BIVM: variants seen among roughly 807,000 people sequenced by gnomAD.
The protein encoded by BIVM is basic immunoglobulin-like variable motif-containing protein.
Under a neutral mutation model 61.4 loss-of-function variants are expected in BIVM, and 31 were observed. The observed-to-expected ratio is 0.51, with a 90% CI of 0.38 to 0.68. The LOEUF (loss-of-function observed/expected upper bound fraction) is 0.68, where lower values mean the gene tolerates loss of function less well. Ranked by LOEUF, BIVM falls within the 30% of genes least tolerant of loss-of-function variation. The pLI is 0.00. For synonymous variants in BIVM, 189 were observed against 210.7 expected (o/e 0.90, Z 0.89); for missense variants, 526 against 596.0 (o/e 0.88, Z 1.22).
intron 3 of BIVM, among the ~76,000 whole-genome samples, chr13:102,810,288 G>A (rs1396628390): frequency 6.6e-6 from 1 of 152,088 alleles, no homozygotes; most frequent in Non-Finnish European, 1.5e-5. Flanking sequence ...ATTTGCTTTG[G>A]AATACTTATT....
chr13:102,831,599 G>A lies in BIVM; in HGVS notation c.936G>A (p.Leu312=), dbSNP rs1881074146. 2 of 1,614,120 alleles carry A rather than the reference G, an allele frequency of 1.2e-6. No individual in the cohort carries two copies. The highest frequency in any genetic ancestry group is 1.7e-5 in the Admixed American group (1 of 60,028). ...SGALSKLTRG[L]KDESLAYIYH... is the part of the protein sequence containing the mutation. ...CCCTGTCAAAGTTAACCCGTGGATTGAAAGATGAATCGCTGGCTTATATCT... is the reference window on the plus strand; with the variant it reads ...CCCTGTCAAAGTTAACCCGTGGATTAAAAGATGAATCGCTGGCTTATATCT... Residue 312 remains leucine, a synonymous_variant, in exon 8 of 11, where the codon TTG becomes TTA. Transcript: ENST00000257336.
chr13:102,839,939 AT>A lies in BIVM; in HGVS notation c.*78del. 1 of 1,445,266 alleles carries A rather than the reference AT, an allele frequency of 6.9e-7. No homozygotes were observed. The highest frequency in any genetic ancestry group is 1.4e-5 in the African/African-American group (1 of 70,584). The allele number at this position is 1,445,266 out of a possible 1,614,324, so 89.5% of individuals were successfully genotyped here. On this transcript the variant is annotated 3_prime_UTR_variant, in exon 11 of 11. Transcript: ENST00000257336. ...CAGGACTGTATAAAGACAGTAGAAG[AT>A]TTTAGTAAGCCTACATTAAATAGGA...
chr13:102,815,265 A>T (rs1566447789), intron 3 of BIVM, among the ~76,000 whole-genome samples: 2 of 152,164 alleles, frequency 1.3e-5, no homozygotes, highest in Non-Finnish European at 2.9e-5. Flanking sequence ...CTAGGCATAT[A>T]TGTATATAAT....
rs977822039 is a variant in BIVM, at chr13:102,838,886, A to C, written c.1218+147A>C. 1.3e-5 allele frequency: 9 copies of C among 688,600 alleles called. No individual in the cohort carries two copies. In the African/African-American group the frequency reaches 1.6e-4, roughly 13 times the overall value. 42.7% of individuals were successfully genotyped at this position (688,600 alleles called of 1,614,324 possible). A position where few individuals can be genotyped will look rare whatever the true frequency, so the allele number is the denominator to read the frequency against. On this transcript the variant is annotated intron_variant, in intron 10 of 10. Coordinates refer to ENST00000257336, the MANE Select transcript of BIVM (RefSeq NM_017693.4). ...TTTAAGGACACACGGCTGTCTTTAA[A>C]ACCCAAGGGCAAGGGGTATAACCTG...
rs113000617 is a variant in BIVM, at chr13:102,838,289, T to A, written c.1122-354T>A. Among the ~76,000 whole-genome samples, 953 of 152,334 alleles carry A rather than the reference T, an allele frequency of 6.3e-3. 11 individuals are homozygous for A. The highest frequency in any genetic ancestry group is 0.02 in the African/African-American group (821 of 41,564). ...TCTGCACAATTGTGTTGTCTCCTAATAGAGACATATTAACTTTACATTCTT... is the reference window on the plus strand; with the variant it reads ...TCTGCACAATTGTGTTGTCTCCTAAAAGAGACATATTAACTTTACATTCTT... On this transcript the variant is annotated intron_variant, in intron 9 of 10. Transcript: ENST00000257336.
chr13:102,804,652 G>C (rs1383646267), intron 1 of BIVM, among the ~76,000 whole-genome samples: 1 of 151,194 alleles, frequency 6.6e-6, no homozygotes, highest in South Asian at 2.1e-4. Context: ...TCGAGATGGG[G>C]TTTCACCATA....
chr13:102,831,767 C>T (rs1048871234), intron 8 of BIVM, 70 bp downstream of exon 8: 79 of 1,547,304 alleles, frequency 5.1e-5, no homozygotes, highest in Non-Finnish European at 6.5e-5. Context: ...CGGTAGCTCA[C>T]GCCTGTAATC....
At chr13:102,822,206 CA>C (rs1566451004) in intron 7 of BIVM, 47 bp downstream of exon 7, 1 of 1,544,816 alleles carries the variant, frequency 6.5e-7, no homozygotes, top group South Asian at 1.1e-5. Flanking sequence ...CACACATGCA[CA>C]CACACACATA....
chr13:102,799,929 G>A (rs1454802483), intron 1 of BIVM, among the ~76,000 whole-genome samples: 4 of 152,152 alleles, frequency 2.6e-5, no homozygotes, highest in Non-Finnish European at 4.4e-5. Flanking sequence ...GGGAACCAGC[G>A]CGCAGCGGCC....
chr13:102,833,327 G>GTTTTTTTTGTTTTTTTTTT (rs1881234187), intron 8 of BIVM, among the ~76,000 whole-genome samples: 1 of 79,598 alleles, frequency 1.3e-5, no homozygotes, highest in Non-Finnish European at 2.6e-5. Context: ...GATAGGATGG[G>GTTTTTTTTGTTTTTTTTTT]TTTTTTTTTT....
chr13:102,800,255 T>C (rs190211243), intron 1 of BIVM: 1 of 152,254 alleles, frequency 6.6e-6, no homozygotes, highest in Non-Finnish European at 1.5e-5. Flanking sequence ...TGGGCCCCCT[T>C]TAACACCAAC....
chr13:102,807,198 A>G lies in BIVM; in HGVS notation c.-70A>G. On this transcript the variant is annotated 5_prime_UTR_variant, in exon 3 of 11. Transcript: ENST00000257336. This position sits in a 1 kb window ranked among gnomAD's most constrained non-coding sequence, Gnocchi z 4.0. Reference sequence around the variant, plus strand: ...TATAGCATGCTGTAAACAATTGTCAAAGTTGTTTATCAAGAAACAGATAGA... The same window carrying G: ...TATAGCATGCTGTAAACAATTGTCAGAGTTGTTTATCAAGAAACAGATAGA... 6.8e-7 allele frequency: 1 copy of G among 1,472,076 alleles called. No homozygotes were observed. Among genetic ancestry groups the G allele is most frequent in the South Asian group, 1.4e-5 (1 of 73,874 alleles). 91.2% of individuals were successfully genotyped at this position (1,472,076 alleles called of 1,614,324 possible). A position where few individuals can be genotyped will look rare whatever the true frequency, so the allele number is the denominator to read the frequency against.
intron 8 of BIVM, among the ~76,000 whole-genome samples, chr13:102,834,149 T>C (rs1219790035): frequency 6.6e-6 from 1 of 152,348 alleles, no homozygotes; most frequent in South Asian, 2.1e-4. Flanking sequence ...CTTGAATTCA[T>C]AGTGAAAGGA....
At chr13:102,821,716 G>A in intron 5 of BIVM, 27 bp from the exon 6 acceptor site, 2 of 1,603,900 alleles carry the variant, frequency 1.2e-6, no homozygotes, top group Non-Finnish European at 1.7e-6. Flanking sequence ...ATTGAAAAAT[G>A]AAAGGCAATG....
chr13:102,833,164 C>T (rs552550056), intron 8 of BIVM, among the ~76,000 whole-genome samples: 8 of 151,694 alleles, frequency 5.3e-5, no homozygotes, highest in East Asian at 1.9e-4. Flanking sequence ...GAGGCTGAGA[C>T]GGGAGGATCG....
rs1317146695 is a variant in BIVM at position 102,816,465 on chromosome 13, A to G, written c.516A>G (p.Ser172=). The change falls in exon 4 of 11, where the codon TCA becomes TCG. Residue 172 remains serine (S), a synonymous_variant. Coordinates refer to ENST00000257336, the MANE Select transcript of BIVM (RefSeq NM_017693.4). ...AACAAGTTTCCAAGAGAAAAACTTC[A>G]GATAAAAAGGGAAGATATCAGAAGG... The part of the protein sequence containing the change: ...AKKQVSKRKT[S]DKKGRYQKEC... 4 of 1,589,172 alleles carry G rather than the reference A, an allele frequency of 2.5e-6. No homozygotes were observed. The highest frequency in any genetic ancestry group is 3.4e-6 in the Non-Finnish European group (4 of 1,171,248).
Position 102,831,592 on chromosome 13 carries a change from G to A in BIVM, c.929G>A (p.Arg310His), listed in dbSNP as rs759565497. 1.4e-5 allele frequency: 22 copies of A among 1,613,956 alleles called. No individual in the cohort carries two copies. Among genetic ancestry groups the A allele is most frequent in the African/African-American group, 5.3e-5 (4 of 74,880 alleles). ...TASGALSKLT[R>H]GLKDESLAYI... ...TCAGGGGCCCTGTCAAAGTTAACCC[G>A]TGGATTGAAAGATGAATCGCTGGCT... The change falls in exon 8 of 11, where the codon CGT becomes CAT. Residue 310 changes from arginine (R) to histidine (H), a missense_variant. This residue lies in a region of BIVM where 210 missense variants were observed against 233.1 expected (regional missense o/e 0.90). Coordinates refer to ENST00000257336, the MANE Select transcript of BIVM (RefSeq NM_017693.4).
intron 3 of BIVM, among the ~76,000 whole-genome samples, chr13:102,812,206 C>T (rs772680258): frequency 2.5e-4 from 38 of 152,082 alleles, no homozygotes; most frequent in Admixed American, 8.5e-4. Context: ...TATTTTTCAG[C>T]CCAAGAATTT....
At chr13:102,806,970 T>G (rs1879152192) in intron 2 of BIVM, among the ~76,000 whole-genome samples, 176 bp from the exon 3 acceptor site, 1 of 152,242 alleles carries the variant, frequency 6.6e-6, no homozygotes, top group African/African-American at 2.4e-5. Flanking sequence ...TGAAAATAAT[T>G]TAATGCATAT....
Sources: allele counts gnomAD v4.1 joint callset (sites outside exome capture counted in the v4.1 genomes callset), GRCh38; gene constraint gnomAD v4.1.1; regional missense constraint gnomAD v4.1.1; non-coding constraint Gnocchi (gnomAD v3.1); transcripts MANE v1.5; gene names NCBI Gene and HGNC (gene_info 2026-07-23, HGNC 2026-07-21).